The following MPPED2 variants were observed in gnomAD, a reference collection of about 807,000 sequenced individuals.
MPPED2 encodes the protein metallophosphoesterase MPPED2.
Under a neutral mutation model 33.0 loss-of-function variants are expected in MPPED2, and 5 were observed. The observed-to-expected ratio is 0.15, with a 90% CI of 0.08 to 0.32. MPPED2 has a LOEUF of 0.32. Among genes scored for constraint, MPPED2 ranks in the 10% least tolerant of loss-of-function variants. MPPED2 has a pLI of 1.00. For synonymous variants in MPPED2, 136 were observed against 141.9 expected (o/e 0.96, Z 0.29); for missense variants, 275 against 372.1 (o/e 0.74, Z 2.15).
chr11:30,511,835 C>T (rs533383388), intron 3 of MPPED2, among the ~76,000 whole-genome samples: 1 of 152,316 alleles, frequency 6.6e-6, no homozygotes, highest in East Asian at 1.9e-4. Flanking sequence ...AGGCAAGCTA[C>T]TAATGGTCTA....
chr11:30,564,959 C>T (rs149500537), intron 2 of MPPED2, among the ~76,000 whole-genome samples: 7 of 152,132 alleles, frequency 4.6e-5, no homozygotes, highest in African/African-American at 1.7e-4. Flanking sequence ...TCTGAACTGA[C>T]TCCAATTCAT....
chr11:30,502,252 TA>T (rs1256666614), intron 3 of MPPED2, among the ~76,000 whole-genome samples: 1 of 152,186 alleles, frequency 6.6e-6, no homozygotes. Flanking sequence ...GACAACTTGA[TA>T]AAGTTTGACT....
Position 30,417,505 on chromosome 11 carries a change from T to C in MPPED2, c.652+13A>G, listed in dbSNP as rs199958609. The C allele has an allele frequency of 6.6e-7, 1 of 1,513,546 alleles. No individual in the cohort carries two copies. The highest frequency in any genetic ancestry group is 2.3e-5 in the East Asian group (1 of 44,402). 93.8% of individuals were successfully genotyped at this position (1,513,546 alleles called of 1,614,324 possible). ...GCATCTGGATGACAAAGGACAACCT[T>C]TGCTTCACTTACCTAGAGGAGGTCC... On this transcript the variant is annotated intron_variant, in intron 5 of 6. Coordinates refer to ENST00000358117, the MANE Select transcript of MPPED2 (RefSeq NM_001584.3).
rs77284392 is a variant in MPPED2, at chr11:30,567,725, G to A, written c.128+12521C>T. On this transcript the variant is annotated intron_variant, in intron 2 of 6. Coordinates refer to ENST00000358117, the MANE Select transcript of MPPED2 (RefSeq NM_001584.3). ...TATTTAGAAATGGTGCTTTATTTCA[G>A]GGCCAACACTATTATCATGAACCCC... Among the ~76,000 whole-genome samples, 1,061 of 152,288 alleles carry A rather than the reference G, an allele frequency of 7.0e-3. 18 individuals carry two copies. Among genetic ancestry groups the A allele is most frequent in the Non-Finnish European group, 6.6e-3 (451 of 68,030 alleles).
rs576830 is a variant in MPPED2, at chr11:30,426,221, C to T, written c.537-8588G>A. Among the ~76,000 whole-genome samples the T allele has an allele frequency of 5.8e-3, 876 of 152,306 alleles. 10 individuals carry two copies. Among genetic ancestry groups the T allele is most frequent in the African/African-American group, 0.02 (840 of 41,576 alleles). ...TTATACTTTGTCTCTATGAATTCAA[C>T]GATTCTAGGTACTTCATGTAAGTGG... On this transcript the variant is annotated intron_variant, in intron 4 of 6. Transcript: ENST00000358117.
intron 4 of MPPED2, among the ~76,000 whole-genome samples, chr11:30,481,225 T>C (rs1951471875): frequency 6.6e-6 from 1 of 152,138 alleles, no homozygotes; most frequent in Non-Finnish European, 1.5e-5. Flanking sequence ...TATTTTCTGT[T>C]CCAGTCAACT....
exon 7 of MPPED2, chr11:30,388,056 C>T (rs1947724462): frequency 6.6e-6 from 1 of 152,316 alleles, no homozygotes; most frequent in African/African-American, 2.4e-5. Flanking sequence ...CTGCCGCCTT[C>T]AAGGCCCCCG....
Position 30,564,907 on chromosome 11 carries a change from C to T in MPPED2, c.128+15339G>A, listed in dbSNP as rs192784620. 3.3e-5 allele frequency among the ~76,000 whole-genome samples: 5 copies of T among 152,236 alleles called. No individual in the cohort carries two copies. In the East Asian group the frequency reaches 7.7e-4, roughly 24 times the overall value. On this transcript the variant is annotated intron_variant, in intron 2 of 6. Coordinates refer to ENST00000358117, the MANE Select transcript of MPPED2 (RefSeq NM_001584.3). ...AAACAAGATACATAAATCTGAGTAG[C>T]GTGGCTGTTCATGTAAACAATTCAG...
chr11:30,465,571 C>T (rs1347294182), intron 4 of MPPED2, among the ~76,000 whole-genome samples: 1 of 152,250 alleles, frequency 6.6e-6, no homozygotes, highest in Non-Finnish European at 1.5e-5. Context: ...GCTGGGACTA[C>T]AGGTGTGAGC....
intron 3 of MPPED2, among the ~76,000 whole-genome samples, chr11:30,534,998 G>C (rs1429107723): frequency 6.6e-6 from 1 of 152,126 alleles, no homozygotes; most frequent in East Asian, 1.9e-4. Flanking sequence ...TATGTACTCA[G>C]ATGTCAACCA....
chr11:30,519,238 C>T (rs1439468014), intron 3 of MPPED2, among the ~76,000 whole-genome samples: 1 of 152,084 alleles, frequency 6.6e-6, no homozygotes, highest in Non-Finnish European at 1.5e-5. Flanking sequence ...CACTGCACTC[C>T]AGCCTGGGAA....
At chr11:30,443,163 T>C (rs1949658390) in intron 4 of MPPED2, among the ~76,000 whole-genome samples, 1 of 152,126 alleles carries the variant, frequency 6.6e-6, no homozygotes, top group African/African-American at 2.4e-5. Flanking sequence ...GGGAACCTAG[T>C]GGGAAATGCT....
chr11:30,478,798 T>C (rs1478103213), intron 4 of MPPED2, among the ~76,000 whole-genome samples: 1 of 152,126 alleles, frequency 6.6e-6, no homozygotes, highest in African/African-American at 2.4e-5. Context: ...ACGTGGTTAA[T>C]AACAACGAAA....
chr11:30,501,092 A>T (rs1318394176), intron 3 of MPPED2, among the ~76,000 whole-genome samples: 1 of 152,222 alleles, frequency 6.6e-6, no homozygotes, highest in Non-Finnish European at 1.5e-5. Flanking sequence ...TATGGTGAGG[A>T]TTAAACAACA....
At chr11:30,431,952 A>C (rs574532681) in intron 4 of MPPED2, among the ~76,000 whole-genome samples, 4 of 152,150 alleles carry the variant, frequency 2.6e-5, no homozygotes, top group Non-Finnish European at 1.5e-5. Flanking sequence ...AGGTGGGTGG[A>C]TCACCTGAGG....
chr11:30,580,675 A>T (rs1957125093), intron 1 of MPPED2, among the ~76,000 whole-genome samples, 181 bp from the exon 2 acceptor site: 1 of 152,158 alleles, frequency 6.6e-6, no homozygotes, highest in Admixed American at 6.5e-5. Context: ...TGGATATTAC[A>T]CTCTATACAT....
intron 3 of MPPED2, among the ~76,000 whole-genome samples, chr11:30,496,157 A>G (rs1204865566): frequency 6.6e-6 from 1 of 152,224 alleles, no homozygotes; most frequent in Non-Finnish European, 1.5e-5. Flanking sequence ...GTAAAGTTTA[A>G]CCCTCTTTTA....
chr11:30,446,859 A>ATGTTG (rs1949834948), intron 4 of MPPED2, among the ~76,000 whole-genome samples: 1 of 152,132 alleles, frequency 6.6e-6, no homozygotes, highest in African/African-American at 2.4e-5. Flanking sequence ...CAAGTTACCG[A>ATGTTG]TTTCTCTGAA....
chr11:30,448,087 A>G (rs1183138504), intron 4 of MPPED2, among the ~76,000 whole-genome samples: 1 of 152,150 alleles, frequency 6.6e-6, no homozygotes, highest in Non-Finnish European at 1.5e-5. Context: ...ACCATTTACT[A>G]TACAGGGGGT....
Sources: allele counts gnomAD v4.1 joint callset (sites outside exome capture counted in the v4.1 genomes callset), GRCh38; gene constraint gnomAD v4.1.1; transcripts MANE v1.5; gene names NCBI Gene and HGNC (gene_info 2026-07-23, HGNC 2026-07-21).